The following RMST variants were observed in gnomAD, a reference collection of about 807,000 sequenced individuals.
RMST encodes rhabdomyosarcoma 2 associated transcript, also known as long intergenic non-protein coding RNA 54.
At chr12:97,493,475 C>G (rs1877072923) in intron 7 of RMST, among the ~76,000 whole-genome samples, 1 of 152,052 alleles carries the variant, frequency 6.6e-6, no homozygotes, top group South Asian at 2.1e-4. Flanking sequence ...TATTTATTTT[C>G]TTAGATTCTT....
At chr12:97,524,960 T>C (rs1033670744) in intron 10 of RMST, among the ~76,000 whole-genome samples, 2 of 152,254 alleles carry the variant, frequency 1.3e-5, no homozygotes, top group African/African-American at 2.4e-5. Flanking sequence ...TTGTGTATTA[T>C]GTGCCATGTG....
chr12:97,495,008 T>G (rs1877233344), intron 9 of RMST: 1 of 152,212 alleles, frequency 6.6e-6, no homozygotes, highest in African/African-American at 2.4e-5. Flanking sequence ...TCATATACAA[T>G]TATTTAAACT....
intron 10 of RMST, among the ~76,000 whole-genome samples, chr12:97,503,340 A>G (rs1182424847): frequency 6.6e-6 from 1 of 152,142 alleles, no homozygotes; most frequent in East Asian, 1.9e-4. Flanking sequence ...ATCGACGTGA[A>G]CTTTGACCAC....
chr12:97,536,103 T>A (rs1419753489), intron 11 of RMST, among the ~76,000 whole-genome samples: 1 of 151,606 alleles, frequency 6.6e-6, no homozygotes, highest in Non-Finnish European at 1.5e-5. Flanking sequence ...AACCTGTTGA[T>A]AAATGTGTCT....
At chr12:97,479,110 C>T (rs1357193779) in intron 5 of RMST, among the ~76,000 whole-genome samples, 1 of 127,806 alleles carries the variant, frequency 7.8e-6, no homozygotes, top group Non-Finnish European at 1.7e-5. Context: ...TGTATCTGTA[C>T]TTTGGGTGTT....
At chr12:97,490,699 A>T (rs906140472) in intron 5 of RMST, among the ~76,000 whole-genome samples, 2 of 152,230 alleles carry the variant, frequency 1.3e-5, no homozygotes, top group African/African-American at 4.8e-5. Flanking sequence ...AAGATACAAA[A>T]TTCAACTTAT....
chr12:97,497,383 A>T (rs1470324235), intron 10 of RMST, among the ~76,000 whole-genome samples: 2 of 152,164 alleles, frequency 1.3e-5, no homozygotes, highest in Admixed American at 6.6e-5. Flanking sequence ...TGGGCCCATG[A>T]GGAATTTTGG....
intron 10 of RMST, among the ~76,000 whole-genome samples, chr12:97,519,334 TCAC>T (rs1455585244): frequency 6.6e-6 from 1 of 152,198 alleles, no homozygotes; most frequent in East Asian, 1.9e-4. Context: ...TCCCAGGAAA[TCAC>T]TTCTTGACAT....
intron 11 of RMST, among the ~76,000 whole-genome samples, chr12:97,553,197 T>G (rs993607993): frequency 6.6e-6 from 1 of 152,176 alleles, no homozygotes; most frequent in Non-Finnish European, 1.5e-5. Flanking sequence ...TTTTTTATTT[T>G]TATTCTAATT....
chr12:97,474,149 T>C (rs1030526648), intron 5 of RMST, among the ~76,000 whole-genome samples: 1 of 152,104 alleles, frequency 6.6e-6, no homozygotes, highest in African/African-American at 2.4e-5. Context: ...CCAATTTTCC[T>C]GGAGATCCTA....
At chr12:97,516,048 T>C (rs1380145211) in intron 10 of RMST, among the ~76,000 whole-genome samples, 1 of 152,066 alleles carries the variant, frequency 6.6e-6, no homozygotes, top group African/African-American at 2.4e-5. Context: ...AACTACAACT[T>C]TGTATTCAAA....
At chr12:97,486,557 A>G (rs967351520) in intron 5 of RMST, among the ~76,000 whole-genome samples, 2 of 152,224 alleles carry the variant, frequency 1.3e-5, no homozygotes, top group Non-Finnish European at 2.9e-5. Flanking sequence ...TAAATTTCGA[A>G]CCAGAATAAA....
intron 10 of RMST, among the ~76,000 whole-genome samples, chr12:97,502,794 G>C (rs531681851): frequency 6.6e-6 from 1 of 152,176 alleles, no homozygotes; most frequent in South Asian, 2.1e-4. Context: ...AGCTCTGGCT[G>C]TCAAGTCAGG....
At chr12:97,544,329 C>T (rs1294866570) in intron 11 of RMST, among the ~76,000 whole-genome samples, 2 of 152,066 alleles carry the variant, frequency 1.3e-5, no homozygotes, top group Non-Finnish European at 2.9e-5. Flanking sequence ...ATTGTGCCTG[C>T]CCAGTTGGGT....
intron 10 of RMST, among the ~76,000 whole-genome samples, chr12:97,497,044 G>C (rs1877507837): frequency 6.6e-6 from 1 of 152,030 alleles, no homozygotes; most frequent in Non-Finnish European, 1.5e-5. Context: ...ATTTTACAAA[G>C]CCTCTTCTTT....
intron 4 of RMST, among the ~76,000 whole-genome samples, chr12:97,465,338 G>A (rs898965962): frequency 1.3e-5 from 2 of 152,184 alleles, no homozygotes; most frequent in African/African-American, 4.8e-5. Flanking sequence ...CCCGGGAATA[G>A]TCTGTTTGTG....
intron 10 of RMST, among the ~76,000 whole-genome samples, chr12:97,504,329 G>A (rs1878426841): frequency 6.6e-6 from 1 of 150,886 alleles, no homozygotes; most frequent in African/African-American, 2.4e-5. Flanking sequence ...GCTTAAACCT[G>A]GGAGGCAGAG....
chr12:97,469,141 A>AGTGTGT (rs10585876), intron 5 of RMST, among the ~76,000 whole-genome samples: 349 of 138,406 alleles, frequency 2.5e-3, no homozygotes, highest in Non-Finnish European at 3.0e-3. Flanking sequence ...AAGAGAAACC[A>AGTGTGT]GTGTGTGTGT....
intron 5 of RMST, among the ~76,000 whole-genome samples, chr12:97,472,971 A>G (rs1474560283): frequency 2.6e-5 from 4 of 152,114 alleles, no homozygotes; most frequent in Non-Finnish European, 5.9e-5. Context: ...AGAAAATATA[A>G]TCGTTCTCTC....
Sources: gnomAD v4.1 joint callset for allele counts (sites outside exome capture counted in the v4.1 genomes callset) on GRCh38, gnomAD v4.1.1 for gene constraint, MANE v1.5 for transcripts, NCBI Gene and HGNC (gene_info 2026-07-23, HGNC 2026-07-21) for gene names.